Variants in ADAP1 observed in about 807,000 individuals in gnomAD.
ADAP1 encodes ArfGAP with dual PH domains 1.
In ADAP1, 31 loss-of-function variants were observed where a neutral mutation model predicts 54.9. That is an observed-to-expected ratio of 0.56 (90% confidence interval 0.42 to 0.76). The LOEUF (loss-of-function observed/expected upper bound fraction) is 0.76. ADAP1 is among the 30% of genes least tolerant of loss of function. The pLI is 0.00. For synonymous variants in ADAP1, 313 were observed against 202.6 expected, an observed-to-expected ratio of 1.55 and a Z score of -4.63; for missense variants, 535 against 512.4, an observed-to-expected ratio of 1.04 and a Z score of -0.42.
chr7:907,255 C>T (rs1159327082), intron 4 of ADAP1, among the ~76,000 whole-genome samples: 1 of 152,170 alleles, frequency 6.6e-6, no homozygotes, highest in Admixed American at 6.5e-5. Context: ...TATGGCAAAA[C>T]ACACCGTGCA....
intron 6 of ADAP1, among the ~76,000 whole-genome samples, chr7:902,479 A>ATGCCTGGGCGTGGTGGTGCGCACCTAT: frequency 1.4e-3 from 43 of 31,720 alleles, no homozygotes; most frequent in Non-Finnish European, 2.1e-3. Context: ...AAAGAAAGAA[A>ATGCCTGGGCGTGGTGGTGCGCACCTAT]AGAAAGAAAG....
upstream of ADAP1, among the ~76,000 whole-genome samples, chr7:955,029 G>C (rs542315184): frequency 1.5e-4 from 23 of 152,332 alleles, no homozygotes; most frequent in South Asian, 4.8e-3. Context: ...AGGCAGGTGT[G>C]CGTGTCCTGT....
intron 4 of ADAP1, among the ~76,000 whole-genome samples, chr7:909,861 G>C (rs1434116565): frequency 6.6e-6 from 1 of 152,134 alleles, no homozygotes; most frequent in Non-Finnish European, 1.5e-5. Context: ...TGTGGGGTGG[G>C]GGGGGTTCTA....
intron 1 of ADAP1, among the ~76,000 whole-genome samples, chr7:952,596 G>A (rs1847297876): frequency 4.6e-5 from 7 of 152,176 alleles, no homozygotes; most frequent in Admixed American, 3.3e-4. Context: ...CCACCCTGTG[G>A]CCACAGCCCT....
Position 920,043 on chromosome 7 carries a change from GA to G in ADAP1, c.312del (p.Arg105GlufsTer43). ...YRPTPSDCQL[L>X]REQWIRAKYE... The stretch of plus-strand genomic sequence containing the variant: ...TACTTGGCCCGGATCCACTGCTCTC[GA>G]AGGAGCCTGTGGGGAGAGGAGAGAC... On this transcript the variant is annotated frameshift_variant, in exon 4 of 11. Coordinates refer to ENST00000265846, the MANE Select transcript of ADAP1 (RefSeq NM_006869.4). LOFTEE classifies it high-confidence loss of function. This position sits in a 1 kb window ranked among gnomAD's most constrained non-coding sequence, Gnocchi z 4.5. 6.2e-7 allele frequency: 1 copy of G among 1,605,992 alleles called. No individual in the cohort carries two copies.
At chr7:927,160 G>T (rs780555030) in intron 2 of ADAP1, 1 of 1,302,698 alleles carries the variant, frequency 7.7e-7, no homozygotes, top group South Asian at 1.2e-5. Context: ...GGACTCTGCA[G>T]GGACACACTG....
At chr7:918,118 G>T (rs1460111486) in intron 4 of ADAP1, among the ~76,000 whole-genome samples, 2 of 152,174 alleles carry the variant, frequency 1.3e-5, no homozygotes, top group African/African-American at 4.8e-5. Flanking sequence ...AGTAGAGACG[G>T]GGTTTCACCA....
chr7:903,828 C>T (rs1043955519), intron 6 of ADAP1: 1 of 319,610 alleles, frequency 3.1e-6, no homozygotes, highest in Non-Finnish European at 5.9e-6. Context: ...CCCCCACTGA[C>T]AGGGCCAAGC....
intron 1 of ADAP1, among the ~76,000 whole-genome samples, chr7:948,552 G>T (rs911166636): frequency 1.3e-5 from 2 of 152,044 alleles, no homozygotes; most frequent in African/African-American, 4.8e-5. Context: ...GACCCCCTCT[G>T]GCCTCTCATT....
Position 897,913 on chromosome 7 carries a change from G to T in ADAP1, c.*1008C>A, listed in dbSNP as rs1310690067. ...CGGACACACAGCTGGAACCATGCCA[G>T]AGCCACATTTTATTCCAGGATGCGA... On this transcript the variant is annotated 3_prime_UTR_variant, in exon 11 of 11. Transcript: ENST00000265846. The T allele has an allele frequency of 6.6e-6, 1 of 152,244 alleles. No individual in the cohort carries two copies. Among genetic ancestry groups the T allele is most frequent in the East Asian group, 1.9e-4 (1 of 5,196 alleles). The allele number at this position is 152,244 out of a possible 1,614,324, so 9.4% of individuals were successfully genotyped here. A position where few individuals can be genotyped will look rare whatever the true frequency, so the allele number is the denominator to read the frequency against.
At chr7:915,770 C>A (rs1845908483) in intron 4 of ADAP1, among the ~76,000 whole-genome samples, 1 of 152,180 alleles carries the variant, frequency 6.6e-6, no homozygotes, top group Non-Finnish European at 1.5e-5. Flanking sequence ...CCTCCTGGCC[C>A]TGAGCCCAAT....
rs1845909248 is a variant in ADAP1, at chr7:915,787, C to CAT, written c.388+4179_388+4180dup. 2.0e-5 allele frequency among the ~76,000 whole-genome samples: 3 copies of CAT among 152,286 alleles called. 1 individual carries two copies. The highest frequency in any genetic ancestry group is 4.4e-5 in the Non-Finnish European group (3 of 68,010). ...TCCTGGCCCTGAGCCCAATGACACC[C>CAT]ATATACCCCTGCAGAACCTACGCCC... On this transcript the variant is annotated intron_variant, in intron 4 of 10. Transcript: ENST00000265846.
intron 4 of ADAP1, among the ~76,000 whole-genome samples, chr7:919,558 GAGAT>G (rs111434227): frequency 0.17 from 24,651 of 147,332 alleles, 2,288 homozygotes; most frequent in Middle Eastern, 0.27. Context: ...GGGAGAGACA[GAGAT>G]AGAGAGAGGA....
Position 898,521 on chromosome 7 carries a change from C to T in ADAP1, c.*400G>A, listed in dbSNP as rs981385365. 29 of 295,888 alleles carry T rather than the reference C, an allele frequency of 9.8e-5. No individual in the cohort carries two copies. Among genetic ancestry groups the T allele is most frequent in the South Asian group, 3.0e-4 (8 of 26,490 alleles). The allele number at this position is 295,888 out of a possible 1,614,324, so 18.3% of individuals were successfully genotyped here. A position where few individuals can be genotyped will look rare whatever the true frequency, so the allele number is the denominator to read the frequency against. ...CGAGCAGGGCCCAGTCCCCAGCGGC[C>T]GGCAGCTGCCCACCGTGCTGGCCCC... On this transcript the variant is annotated 3_prime_UTR_variant, in exon 11 of 11. Transcript: ENST00000265846.
At chr7:905,257 C>T (rs1845057434) in intron 4 of ADAP1, 85 bp from the exon 5 acceptor site, 1 of 841,398 alleles carries the variant, frequency 1.2e-6, no homozygotes, top group Middle Eastern at 2.5e-4. Flanking sequence ...ACAGAGGGGA[C>T]ATGGGGAGAA....
At position 946,904 on chromosome 7, in the gene ADAP1, G is replaced by A. The variant is rs964529778; in HGVS notation, c.82+7492C>T. ...CAATCTCAGCACCTGGAGAGGCCAA[G>A]GTGAACGGGTGGAGCCCAGGAGTTC... On this transcript the variant is annotated intron_variant, in intron 1 of 10. Coordinates refer to ENST00000265846, the MANE Select transcript of ADAP1 (RefSeq NM_006869.4). This position sits in a 1 kb window ranked among gnomAD's most constrained non-coding sequence, Gnocchi z 4.3. Among the ~76,000 whole-genome samples the A allele has an allele frequency of 6.6e-6, 1 of 152,242 alleles. No homozygotes were observed. Among genetic ancestry groups the A allele is most frequent in the Non-Finnish European group, 1.5e-5 (1 of 68,040 alleles).
chr7:905,196 T>A, intron 4 of ADAP1, 24 bp from the exon 5 acceptor site: 1 of 1,580,800 alleles, frequency 6.3e-7, no homozygotes, highest in Non-Finnish European at 8.6e-7. Flanking sequence ...GGGACACGAG[T>A]CGGTGACAGT....
rs147986875 is a variant in ADAP1 at position 906,687 on chromosome 7, C to G, written c.389-1515G>C. On this transcript the variant is annotated intron_variant, in intron 4 of 10. Coordinates refer to ENST00000265846, the MANE Select transcript of ADAP1 (RefSeq NM_006869.4). ...GGAAAGGGGACATGGACAGGGGACACGGGGGACATGGACATGGGGGACGGG... is the reference window on the plus strand; with the variant it reads ...GGAAAGGGGACATGGACAGGGGACAGGGGGGACATGGACATGGGGGACGGG... Among the ~76,000 whole-genome samples the G allele has an allele frequency of 2.7e-4, 8 of 29,614 alleles. 1 individual carries two copies. Among genetic ancestry groups the G allele is most frequent in the South Asian group, 1.4e-3 (1 of 714 alleles). 19.4% of individuals were successfully genotyped at this position (29,614 alleles called of 152,430 possible).
At chr7:916,894 C>T (rs1404155266) in intron 4 of ADAP1, among the ~76,000 whole-genome samples, 2 of 152,086 alleles carry the variant, frequency 1.3e-5, no homozygotes, top group Non-Finnish European at 2.9e-5. Context: ...CACGCCGCTC[C>T]TGGGAGAAAA....
Sources: allele counts gnomAD v4.1 joint callset (sites outside exome capture counted in the v4.1 genomes callset), GRCh38; gene constraint gnomAD v4.1.1; non-coding constraint Gnocchi (gnomAD v3.1); transcripts MANE v1.5; gene names NCBI Gene and HGNC (gene_info 2026-07-23, HGNC 2026-07-21).